Variants in ZYX observed in about 807,000 individuals in gnomAD.
ZYX encodes the protein zyxin-2.
Under a neutral mutation model 58.1 loss-of-function variants are expected in ZYX, and 37 were observed. The observed-to-expected ratio is 0.64, with a 90% CI of 0.49 to 0.84. ZYX has a LOEUF of 0.84. Ranked by LOEUF, ZYX falls within the 40% of genes least tolerant of loss-of-function variation. The pLI is 0.00. For synonymous variants in ZYX, 324 were observed against 321.1 expected (o/e 1.01, Z -0.10); for missense variants, 762 against 761.6 (o/e 1.00, Z -0.01).
At position 143,384,562 on chromosome 7, in the gene ZYX, A is replaced by G. The variant is rs1200552820; in HGVS notation, c.1023+1240A>G. ...AAGCTTTCTGGAAAGTTTCACCAGC[A>G]GAGATGTGTATTCGAGGGAGGTCAG... On this transcript the variant is annotated intron_variant, in intron 5 of 9. Transcript: ENST00000322764. The surrounding 1 kb of genome is among the most constrained non-coding windows in gnomAD (Gnocchi z 4.9). Among the ~76,000 whole-genome samples the G allele has an allele frequency of 6.6e-6, 1 of 152,184 alleles. No individual in the cohort carries two copies. The highest frequency in any genetic ancestry group is 1.5e-5 in the Non-Finnish European group (1 of 68,040).
rs757437427 is a variant in ZYX at position 143,388,934 on chromosome 7, C to T, written c.1482C>T (p.Pro494=). 31 of 1,609,612 alleles carry T rather than the reference C, an allele frequency of 1.9e-5. No homozygotes were observed. Among genetic ancestry groups the T allele is most frequent in the Non-Finnish European group, 2.4e-5 (28 of 1,178,534 alleles). The change falls in exon 8 of 10, where the codon CCC becomes CCT. Residue 494 remains proline, a synonymous_variant. Coordinates refer to ENST00000322764, the MANE Select transcript of ZYX (RefSeq NM_003461.5). The surrounding 1 kb of genome is among the most constrained non-coding windows in gnomAD (Gnocchi z 7.5). ...VDQANRPHCV[P]DYHKQYAPRC... is the part of the protein sequence containing the mutation. ...AGGCCAACCGGCCCCACTGTGTCCC[C>T]GACTACCACAAGTGAGGACCTGCCA...
chr7:143,386,243 G>A (rs1455462527), intron 5 of ZYX, among the ~76,000 whole-genome samples: 1 of 151,978 alleles, frequency 6.6e-6, no homozygotes, highest in African/African-American at 2.4e-5. Context: ...AGGCTGCTTC[G>A]GTCCCTGGAG....
In ZYX at chr7:143,382,821, C is replaced by G; in HGVS notation, c.522C>G (p.Pro174=). 1 of 1,606,310 alleles carries G rather than the reference C, an allele frequency of 6.2e-7. No homozygotes were observed. Among genetic ancestry groups the G allele is most frequent in the Non-Finnish European group, 8.5e-7 (1 of 1,175,602 alleles). The change falls in exon 5 of 10, where the codon CCC becomes CCG. Residue 174 remains proline (P), a synonymous_variant. Coordinates refer to ENST00000322764, the MANE Select transcript of ZYX (RefSeq NM_003461.5). ...TGCAGGTGTCATCTGGATATGTGCC[C>G]CCACCAGTGGCCACTCCATTCAGTT... is the stretch of plus-strand genomic sequence containing the variant. ...FKARVSSGYV[P]PPVATPFSSK... is the part of the protein sequence containing the mutation.
At position 143,381,762 on chromosome 7, in the gene ZYX, C is replaced by T. The variant is rs774124053; in HGVS notation, c.191C>T (p.Pro64Leu). 10 of 1,577,004 alleles carry T rather than the reference C, an allele frequency of 6.3e-6. No individual in the cohort carries two copies. Among genetic ancestry groups the T allele is most frequent in the Admixed American group, 1.8e-5 (1 of 56,048 alleles). ...CAGATGGGCCGGGTGGGCGAGATTC[C>T]CCCGCCGCCCCCGGAAGGTATGCGG... ...RAQMGRVGEI[P>L]PPPPEDFPLP... Residue 64 changes from proline (P) to leucine (L), a missense_variant, in exon 2 of 10, where the codon CCC (proline) becomes CTC (leucine). Transcript: ENST00000322764.
chr7:143,387,714 T>G lies in ZYX; in HGVS notation c.1024-505T>G. 1 of 471,134 alleles carries G rather than the reference T, an allele frequency of 2.1e-6. No homozygotes were observed. The highest frequency in any genetic ancestry group is 4.4e-6 in the Non-Finnish European group (1 of 227,016). The allele number at this position is 471,134 out of a possible 1,614,324, so 29.2% of individuals were successfully genotyped here. ...GGCTGGGTTCTTGCAGACAGCTCAG[T>G]GGGTTTAACCTGCAATTCCTGCCTG... On this transcript the variant is annotated intron_variant, in intron 5 of 9. Transcript: ENST00000322764. The surrounding 1 kb of genome is among the most constrained non-coding windows in gnomAD (Gnocchi z 5.8).
chr7:143,382,768 C>G, intron 4 of ZYX, 33 bp from the exon 5 acceptor site: 1 of 1,611,036 alleles, frequency 6.2e-7, no homozygotes, highest in Non-Finnish European at 8.5e-7. Context: ...GTCCTCCTGA[C>G]TGCATCTCTC....
In ZYX at chr7:143,382,927, C is replaced by A. The variant is rs760146994; in HGVS notation, c.628C>A (p.Pro210Thr). ...WKSPSSSQPL[P>T]QVPAPAQSQT... ...GTCCCCTTCCAGCTCCCAGCCTCTGCCCCAGGTTCCGGCTCCGGCTCAGAG... is the reference window on the plus strand; with the variant it reads ...GTCCCCTTCCAGCTCCCAGCCTCTGACCCAGGTTCCGGCTCCGGCTCAGAG... Residue 210 changes from proline (P) to threonine (T), a missense_variant, in exon 5 of 10, where the codon CCC becomes ACC. Physicochemically the swap from Pro to Thr is conservative, Grantham distance 38. Coordinates refer to ENST00000322764, the MANE Select transcript of ZYX (RefSeq NM_003461.5). 26 of 1,613,948 alleles carry A rather than the reference C, an allele frequency of 1.6e-5. No individual in the cohort carries two copies. The highest frequency in any genetic ancestry group is 2.1e-5 in the Non-Finnish European group (25 of 1,179,966).
Position 143,384,377 on chromosome 7 carries a change from T to C in ZYX, c.1023+1055T>C. 2.4e-6 allele frequency: 1 copy of C among 419,374 alleles called. No individual in the cohort carries two copies. The allele number at this position is 419,374 out of a possible 1,614,324, so 26.0% of individuals were successfully genotyped here. A position where few individuals can be genotyped will look rare whatever the true frequency, so the allele number is the denominator to read the frequency against. On this transcript the variant is annotated intron_variant, in intron 5 of 9. Transcript: ENST00000322764. The surrounding 1 kb of genome is among the most constrained non-coding windows in gnomAD (Gnocchi z 4.9). ...GAGAACAGAAAGTGGAAGGTTCCTG[T>C]AGGAAAATGATAGAGCTATACTTGG...
Position 143,390,930 on chromosome 7 carries a change from G to C in ZYX, c.*248G>C, listed in dbSNP as rs896181671. 1.6e-5 allele frequency: 8 copies of C among 512,934 alleles called. No homozygotes were observed. The highest frequency in any genetic ancestry group is 3.4e-5 in the East Asian group (1 of 29,222). 31.8% of individuals were successfully genotyped at this position (512,934 alleles called of 1,614,324 possible). The stretch of plus-strand genomic sequence containing the variant: ...CCGTCTTCCAGACACCCCACCTGAG[G>C]GGGGCACCAGGTTTAGTGCTGCTGC... On this transcript the variant is annotated 3_prime_UTR_variant, in exon 10 of 10. Coordinates refer to ENST00000322764, the MANE Select transcript of ZYX (RefSeq NM_003461.5). The surrounding 1 kb of genome is among the most constrained non-coding windows in gnomAD (Gnocchi z 4.3).
In ZYX at chr7:143,388,339, G is replaced by A. The variant is rs1804941079; in HGVS notation, c.1144G>A (p.Glu382Lys). Residue 382 changes from glutamate to lysine, a missense_variant and splice_region_variant, in exon 6 of 10, where the codon GAA (glutamate) becomes AAA (lysine). By Grantham distance (56) the Glu-to-Lys change is moderately conservative. Transcript: ENST00000322764. The surrounding 1 kb of genome is among the most constrained non-coding windows in gnomAD (Gnocchi z 7.5). Reference protein sequence around the residue: ...HPQRQNVAVNELCGRCHQPLA... With the variant: ...HPQRQNVAVNKLCGRCHQPLA... ...TCAGAGGCAGAATGTGGCTGTCAAC[G>A]GTGAGCCCACCCCACCGGGACACCC... The A allele has an allele frequency of 1.2e-6, 2 of 1,613,638 alleles. No homozygotes were observed. Among genetic ancestry groups the A allele is most frequent in the Non-Finnish European group, 1.7e-6 (2 of 1,179,772 alleles).
chr7:143,385,971 GGT>G (rs375648581), intron 5 of ZYX, among the ~76,000 whole-genome samples: 7 of 150,140 alleles, frequency 4.7e-5, no homozygotes, highest in Non-Finnish European at 1.0e-4. Context: ...GAATGTGAGT[GGT>G]GTGTGTGTGT....
In ZYX at chr7:143,389,848, C is replaced by T; in HGVS notation, c.1494-9C>T. 1 of 1,613,604 alleles carries T rather than the reference C, an allele frequency of 6.2e-7. No homozygotes were observed. Among genetic ancestry groups the T allele is most frequent in the Non-Finnish European group, 8.5e-7 (1 of 1,179,896 alleles). Reference sequence around the variant, plus strand: ...GGCTAACTCGGCTGGCCCTTTCTGCCCCTTCCAGGCAGTACGCCCCGAGGT... The same window carrying T: ...GGCTAACTCGGCTGGCCCTTTCTGCTCCTTCCAGGCAGTACGCCCCGAGGT... On this transcript the variant is annotated splice_polypyrimidine_tract_variant and intron_variant, in intron 8 of 9. Coordinates refer to ENST00000322764, the MANE Select transcript of ZYX (RefSeq NM_003461.5). The surrounding 1 kb of genome is among the most constrained non-coding windows in gnomAD (Gnocchi z 5.6).
rs1234583776 is a variant in ZYX, at chr7:143,388,174, G to A, written c.1024-45G>A. On this transcript the variant is annotated intron_variant, in intron 5 of 9. Coordinates refer to ENST00000322764, the MANE Select transcript of ZYX (RefSeq NM_003461.5). This position sits in a 1 kb window ranked among gnomAD's most constrained non-coding sequence, Gnocchi z 7.5. ...GTAGGCTGGCCTGGGAAGGTTCTTG[G>A]AGGCAGCAGCCCTCTAGAGTGTGAG... The A allele has an allele frequency of 1.9e-6, 3 of 1,552,802 alleles. No individual in the cohort carries two copies. Among genetic ancestry groups the A allele is most frequent in the Non-Finnish European group, 2.6e-6 (3 of 1,148,860 alleles).
Position 143,388,752 on chromosome 7 carries a change from C to A in ZYX, c.1315-15C>A. On this transcript the variant is annotated splice_polypyrimidine_tract_variant and intron_variant, in intron 7 of 9. Coordinates refer to ENST00000322764, the MANE Select transcript of ZYX (RefSeq NM_003461.5). The surrounding 1 kb of genome is among the most constrained non-coding windows in gnomAD (Gnocchi z 7.5). The stretch of plus-strand genomic sequence containing the variant: ...GTGCCGGTTCCCTGCCAACCTCCTC[C>A]TGCTGCCTCCTCAGGACACCCTGGA... The A allele has an allele frequency of 6.2e-7, 1 of 1,611,484 alleles. No homozygotes were observed. The highest frequency in any genetic ancestry group is 8.5e-7 in the Non-Finnish European group (1 of 1,178,326).
At chr7:143,382,713 G>A (rs6464546) in intron 4 of ZYX, 28 bp downstream of exon 4, 883,201 of 1,613,724 alleles carry the variant, frequency 0.55, 251,721 homozygotes, top group Non-Finnish European at 0.6. Flanking sequence ...AGGAAAAGCA[G>A]GGCTCAGGGC....
In ZYX at chr7:143,387,714, TGG is replaced by T; in HGVS notation, c.1024-503_1024-502del. On this transcript the variant is annotated intron_variant, in intron 5 of 9. Transcript: ENST00000322764. The surrounding 1 kb of genome is among the most constrained non-coding windows in gnomAD (Gnocchi z 5.8). ...GGCTGGGTTCTTGCAGACAGCTCAG[TGG>T]GTTTAACCTGCAATTCCTGCCTGTG... 1 of 471,134 alleles carries T rather than the reference TGG, an allele frequency of 2.1e-6. No individual in the cohort carries two copies. Among genetic ancestry groups the T allele is most frequent in the Non-Finnish European group, 4.4e-6 (1 of 227,016 alleles). 29.2% of individuals were successfully genotyped at this position (471,134 alleles called of 1,614,324 possible).
chr7:143,390,352 T>C lies in ZYX; in HGVS notation c.1615-226T>C. The C allele has an allele frequency of 1.7e-6, 1 of 576,992 alleles. No individual in the cohort carries two copies. The highest frequency in any genetic ancestry group is 3.1e-6 in the Non-Finnish European group (1 of 322,244). 35.7% of individuals were successfully genotyped at this position (576,992 alleles called of 1,614,324 possible). A position where few individuals can be genotyped will look rare whatever the true frequency, so the allele number is the denominator to read the frequency against. On this transcript the variant is annotated intron_variant, in intron 9 of 9. Transcript: ENST00000322764. The surrounding 1 kb of genome is among the most constrained non-coding windows in gnomAD (Gnocchi z 4.3). ...GGTGGTGGGCAGGGGAGCAAGCACC[T>C]TGGGAGCAGCTCTACCCACTGCTTG...
Position 143,384,555 on chromosome 7 carries a change from C to A in ZYX, c.1023+1233C>A, listed in dbSNP as rs989271361. 5.3e-5 allele frequency among the ~76,000 whole-genome samples: 8 copies of A among 152,094 alleles called. No individual in the cohort carries two copies. The highest frequency in any genetic ancestry group is 5.2e-4 in the Admixed American group (8 of 15,260). ...TTTTTGGAAGCTTTCTGGAAAGTTT[C>A]ACCAGCAGAGATGTGTATTCGAGGG... On this transcript the variant is annotated intron_variant, in intron 5 of 9. Coordinates refer to ENST00000322764, the MANE Select transcript of ZYX (RefSeq NM_003461.5). The surrounding 1 kb of genome is among the most constrained non-coding windows in gnomAD (Gnocchi z 4.9).
rs1177600060 is a variant in ZYX at position 143,381,799 on chromosome 7, G to A, written c.208+20G>A. The A allele has an allele frequency of 6.5e-7, 1 of 1,526,930 alleles. No homozygotes were observed. The highest frequency in any genetic ancestry group is 1.4e-5 in the African/African-American group (1 of 71,150). The allele number at this position is 1,526,930 out of a possible 1,614,324, so 94.6% of individuals were successfully genotyped here. On this transcript the variant is annotated intron_variant, in intron 2 of 9. Transcript: ENST00000322764. ...CGGAAGGTATGCGGCGGGGCTTGGG[G>A]AATGTACCCCGGCAGGAGCCGGGGT...
Sources: gnomAD v4.1 joint callset for allele counts (sites outside exome capture counted in the v4.1 genomes callset) on GRCh38, gnomAD v4.1.1 for gene constraint, Gnocchi (gnomAD v3.1) non-coding constraint, MANE v1.5 for transcripts, NCBI Gene and HGNC (gene_info 2026-07-23, HGNC 2026-07-21) for gene names.